The following ADK variants were observed in gnomAD, a reference collection of about 807,000 sequenced individuals.
ADK encodes N6,N6-dimethyladenosine kinase.
A neutral mutation model predicts 44.7 loss-of-function variants in ADK; 24 were observed. The ratio of observed to expected loss-of-function variants is 0.54; its 90% confidence interval spans 0.39 to 0.76. ADK has a LOEUF of 0.76. Ranked by LOEUF, ADK falls within the 30% of genes least tolerant of loss-of-function variation. The pLI is 0.00. For missense variants in ADK, 321 were observed against 425.1 expected, an observed-to-expected ratio of 0.76 and a Z score of 2.15; for synonymous variants, 128 against 142.6, an observed-to-expected ratio of 0.90 and a Z score of 0.73.
chr10:74,391,411 C>A (rs1370505211), intron 4 of ADK, among the ~76,000 whole-genome samples: 4 of 152,010 alleles, frequency 2.6e-5, no homozygotes, highest in Admixed American at 2.0e-4. Context: ...TATTCCTCTA[C>A]TCCTTTCCCA....
intron 8 of ADK, among the ~76,000 whole-genome samples, chr10:74,599,822 T>G (rs1852054200): frequency 1.3e-5 from 2 of 152,206 alleles, no homozygotes; most frequent in African/African-American, 4.8e-5. Flanking sequence ...TTAGCATTTC[T>G]TTCTCTCAAA....
chr10:74,633,989 A>T (rs774914308), intron 9 of ADK, among the ~76,000 whole-genome samples: 1 of 152,150 alleles, frequency 6.6e-6, no homozygotes, highest in Non-Finnish European at 1.5e-5. Context: ...ACCTTATCCA[A>T]ATCTCTGGAT....
chr10:74,291,071 C>T (rs1270166895), intron 3 of ADK, among the ~76,000 whole-genome samples: 9 of 152,010 alleles, frequency 5.9e-5, no homozygotes, highest in Admixed American at 4.6e-4. Flanking sequence ...ATGTAAAATA[C>T]GTACTAAAGA....
chr10:74,431,250 A>G (rs1452995190), intron 6 of ADK, among the ~76,000 whole-genome samples: 2 of 152,102 alleles, frequency 1.3e-5, no homozygotes, highest in Admixed American at 6.5e-5. Flanking sequence ...GAATGATTCC[A>G]TTTACCAGGT....
intron 6 of ADK, among the ~76,000 whole-genome samples, chr10:74,431,080 A>G (rs1479127803): frequency 6.6e-6 from 1 of 150,818 alleles, no homozygotes; most frequent in Admixed American, 6.6e-5. Context: ...AAAAAAAAAA[A>G]AAAAAAAAAA....
At chr10:74,455,457 A>G (rs2395093) in intron 6 of ADK, among the ~76,000 whole-genome samples, 6 of 152,052 alleles carry the variant, frequency 3.9e-5, no homozygotes, top group Non-Finnish European at 8.8e-5. Flanking sequence ...AGGATTTTAT[A>G]TCCCCTTGAC....
chr10:74,185,540 G>A (rs1042658793), intron 1 of ADK, among the ~76,000 whole-genome samples: 2 of 144,688 alleles, frequency 1.4e-5, no homozygotes, highest in African/African-American at 5.3e-5. Context: ...TTTTTTTGAA[G>A]CAGAGTCGTC....
intron 4 of ADK, among the ~76,000 whole-genome samples, chr10:74,327,445 A>G (rs993787002): frequency 7.9e-5 from 12 of 152,224 alleles, no homozygotes; most frequent in African/African-American, 1.4e-4. Context: ...TTCATGTTCA[A>G]TTGAGAAGAA....
intron 10 of ADK, among the ~76,000 whole-genome samples, chr10:74,688,895 G>A (rs1174244615): frequency 6.6e-6 from 1 of 151,740 alleles, no homozygotes; most frequent in African/African-American, 2.4e-5. Flanking sequence ...CAGCCTGAGT[G>A]TGTATGTGAC....
chr10:74,235,127 CCTT>C (rs1844910211), intron 3 of ADK, among the ~76,000 whole-genome samples: 1 of 111,680 alleles, frequency 9.0e-6, no homozygotes, highest in African/African-American at 3.1e-5. Flanking sequence ...TGAAATTATC[CCTT>C]TTTTTTTTTT....
At chr10:74,662,760 T>C (rs887257088) in intron 9 of ADK, among the ~76,000 whole-genome samples, 9 of 152,354 alleles carry the variant, frequency 5.9e-5, no homozygotes, top group Middle Eastern at 3.4e-3. Flanking sequence ...CTGGGGCCTC[T>C]GCACTTGAAT....
At chr10:74,551,064 G>A (rs1850019783) in intron 7 of ADK, among the ~76,000 whole-genome samples, 1 of 152,136 alleles carries the variant, frequency 6.6e-6, no homozygotes, top group African/African-American at 2.4e-5. Flanking sequence ...GTATACAAGA[G>A]TAGTTAAGAC....
At chr10:74,446,330 A>G (rs1592226001) in intron 6 of ADK, among the ~76,000 whole-genome samples, 1 of 152,086 alleles carries the variant, frequency 6.6e-6, no homozygotes. Context: ...TCCAAGAGGG[A>G]GATATGATAT....
intron 6 of ADK, among the ~76,000 whole-genome samples, chr10:74,476,174 C>T (rs1389816453): frequency 2.6e-5 from 4 of 152,128 alleles, no homozygotes; most frequent in Non-Finnish European, 5.9e-5. Flanking sequence ...CTTATTTATG[C>T]AAACCTAGTA....
chr10:74,448,137 C>T (rs2133173288), intron 6 of ADK, among the ~76,000 whole-genome samples: 1 of 152,008 alleles, frequency 6.6e-6, no homozygotes, highest in Non-Finnish European at 1.5e-5. Context: ...CACGCCACTG[C>T]ACTCCAGCCT....
intron 3 of ADK, among the ~76,000 whole-genome samples, chr10:74,247,837 C>T (rs574360570): frequency 5.9e-5 from 9 of 152,032 alleles, no homozygotes; most frequent in Admixed American, 1.3e-4. Context: ...TTTTTTTCCC[C>T]CCTTCTTCAA....
At chr10:74,520,807 A>G (rs1300693593) in intron 6 of ADK, among the ~76,000 whole-genome samples, 1 of 151,930 alleles carries the variant, frequency 6.6e-6, no homozygotes, top group African/African-American at 2.4e-5. Context: ...TACTGCTACC[A>G]CTTTGTGTTG....
At chr10:74,617,607 T>G (rs961730765) in intron 9 of ADK, among the ~76,000 whole-genome samples, 2 of 152,122 alleles carry the variant, frequency 1.3e-5, no homozygotes, top group African/African-American at 4.8e-5. Flanking sequence ...TTTCTGTTTG[T>G]TTTTTTGAGA....
chr10:74,407,138 C>G (rs1398506893), intron 6 of ADK, among the ~76,000 whole-genome samples: 1 of 151,960 alleles, frequency 6.6e-6, no homozygotes, highest in Non-Finnish European at 1.5e-5. Flanking sequence ...TGTATTTTCT[C>G]TAGAGACAGG....
Sources: gnomAD v4.1 joint callset for allele counts (sites outside exome capture counted in the v4.1 genomes callset) on GRCh38, gnomAD v4.1.1 for gene constraint, MANE v1.5 for transcripts, NCBI Gene and HGNC (gene_info 2026-07-23, HGNC 2026-07-21) for gene names.